The following ZNF880 variants were observed in gnomAD, a reference collection of about 807,000 sequenced individuals.
ZNF880 encodes the protein zinc finger protein LOC400713.
Under a neutral mutation model 11.8 loss-of-function variants are expected in ZNF880, and 12 were observed. That is an observed-to-expected ratio of 1.02 (90% CI 0.65 to 1.65). The LOEUF is 1.65. Among genes scored for constraint, ZNF880 ranks in the 40% most tolerant of loss-of-function variants. The pLI, the probability that ZNF880 is intolerant of heterozygous loss-of-function variation, is 0.00. For synonymous variants in ZNF880, 210 were observed against 232.4 expected, an observed-to-expected ratio of 0.90 and a Z score of 0.88; for missense variants, 601 against 673.9, an observed-to-expected ratio of 0.89 and a Z score of 1.20.
At chr19:52,390,620 A>G (rs1042799127), downstream of ZNF880, 3 of 165,294 alleles carry the variant, frequency 1.8e-5, no homozygotes, top group Admixed American at 1.3e-4. Flanking sequence ...GAAATGGGAA[A>G]GAAGAATGAA....
intron 3 of ZNF880, chr19:52,374,833 C>T: frequency 2.7e-6 from 1 of 370,728 alleles, no homozygotes. Flanking sequence ...TCTTTGGGCT[C>T]ATATGATCAT....
intron 1 of ZNF880, chr19:52,370,329 C>T (rs996120960): frequency 3.1e-6 from 1 of 324,400 alleles, no homozygotes; most frequent in Non-Finnish European, 5.8e-6. Flanking sequence ...GCCCTCTTTT[C>T]ACAGGCCTGC....
At chr19:52,393,827 C>T in the ZNF880 span, among the ~76,000 whole-genome samples, 3 of 119,562 alleles carry the variant, frequency 2.5e-5, no homozygotes, top group Admixed American at 9.0e-5. Flanking sequence ...TATTTCTTTG[C>T]CCCCCCCCTT....
chr19:52,374,547 T>C (rs1986498958), intron 3 of ZNF880, 120 bp downstream of exon 3: 1 of 1,220,942 alleles, frequency 8.2e-7, no homozygotes. Context: ...GTGGCTTAAC[T>C]CATAGCCTCA....
At chr19:52,369,913 C>G, upstream of ZNF880, 1 of 1,551,512 alleles carries the variant, frequency 6.4e-7, no homozygotes, top group Non-Finnish European at 8.7e-7. Flanking sequence ...CGCCTCTCAG[C>G]TGCGCGCGCA....
chr19:52,390,285 T>C (rs2657917), downstream of ZNF880: 82,605 of 349,102 alleles, frequency 0.24, 11,431 homozygotes, highest in African/African-American at 0.46. Context: ...GCTTCCCATC[T>C]GCTCCGCTCC....
At chr19:52,386,201 A>G (rs1986884399), downstream of ZNF880, among the ~76,000 whole-genome samples, 1 of 141,502 alleles carries the variant, frequency 7.1e-6, no homozygotes, top group African/African-American at 2.7e-5. Flanking sequence ...AAGAAAAAGA[A>G]GCAGTATGAT....
At chr19:52,391,640 C>T in the ZNF880 span, 6 of 152,116 alleles carry the variant, frequency 3.9e-5, no homozygotes, top group African/African-American at 1.4e-4. Context: ...ATTAATTTCT[C>T]TATAATAAAC....
intron 3 of ZNF880, among the ~76,000 whole-genome samples, chr19:52,380,866 A>C (rs890906689): frequency 6.6e-6 from 1 of 151,444 alleles, no homozygotes; most frequent in Non-Finnish European, 1.5e-5. Context: ...TTTTGTGGAG[A>C]CAGGGTCTTG....
intron 3 of ZNF880, among the ~76,000 whole-genome samples, chr19:52,375,078 GTTCT>G (rs756844680): frequency 2.5e-4 from 38 of 150,736 alleles, no homozygotes; most frequent in Non-Finnish European, 3.2e-4. Context: ...CTGCTGCTGT[GTTCT>G]TTGTTTTTGG....
chr19:52,393,730 A>G, the ZNF880 span, among the ~76,000 whole-genome samples: 2 of 116,612 alleles, frequency 1.7e-5, no homozygotes, highest in African/African-American at 5.8e-5. Context: ...TGTATATGGT[A>G]TATGTCTCTA....
At chr19:52,378,419 C>T (rs888751078) in intron 3 of ZNF880, among the ~76,000 whole-genome samples, 1 of 151,410 alleles carries the variant, frequency 6.6e-6, no homozygotes, top group Non-Finnish European at 1.5e-5. Flanking sequence ...CTAGGGCAGG[C>T]GGATCAGAAA....
upstream of ZNF880, among the ~76,000 whole-genome samples, chr19:52,368,546 T>C (rs1048018661): frequency 2.0e-5 from 3 of 151,044 alleles, no homozygotes; most frequent in African/African-American, 7.3e-5. Context: ...TTCCAGCTGG[T>C]CCAAAAGTGG....
chr19:52,379,654 G>A, intron 3 of ZNF880: 2 of 272,818 alleles, frequency 7.3e-6, no homozygotes, highest in Non-Finnish European at 1.5e-5. Context: ...TTGACTTTGA[G>A]GGCAGAACTG....
chr19:52,377,859 T>C (rs1986599223), intron 3 of ZNF880, among the ~76,000 whole-genome samples: 1 of 151,960 alleles, frequency 6.6e-6, no homozygotes, highest in South Asian at 2.1e-4. Flanking sequence ...TTATTTTTTA[T>C]TTTTTTTAGA....
chr19:52,386,694 C>T (rs765300199), downstream of ZNF880, among the ~76,000 whole-genome samples: 6 of 137,822 alleles, frequency 4.4e-5, 1 homozygote, highest in Non-Finnish European at 7.7e-5. Flanking sequence ...CCCAGCTACT[C>T]GGGAGGCTGA....
At chr19:52,393,900 G>T in the ZNF880 span, among the ~76,000 whole-genome samples, 1 of 141,148 alleles carries the variant, frequency 7.1e-6, no homozygotes, top group Non-Finnish European at 1.5e-5. Flanking sequence ...GCAGTGGCGC[G>T]ATCTCAGCTC....
In ZNF880 at chr19:52,374,408, C is replaced by T; in HGVS notation, c.249C>T (p.Cys83=). The part of the protein sequence containing the change: ...KIANNPGGRE[C]IKGVNAESSS... Reference sequence around the variant, plus strand: ...CAAACAATCCAGGTGGCAGGGAGTGCATCAAAGGTGTGAACGCAGGTAAGA... The same window carrying T: ...CAAACAATCCAGGTGGCAGGGAGTGTATCAAAGGTGTGAACGCAGGTAAGA... Residue 83 remains cysteine (C), a synonymous_variant, in exon 3 of 4, where the codon TGC becomes TGT. Transcript: ENST00000422689. 1 of 1,612,406 alleles carries T rather than the reference C, an allele frequency of 6.2e-7. No individual in the cohort carries two copies. The highest frequency in any genetic ancestry group is 8.5e-7 in the Non-Finnish European group (1 of 1,179,278).
chr19:52,392,427 G>C, the ZNF880 span, among the ~76,000 whole-genome samples: 3 of 152,066 alleles, frequency 2.0e-5, no homozygotes, highest in African/African-American at 7.2e-5. Flanking sequence ...CAGACTCCCA[G>C]GGAGCTGGGA....
Sources: allele counts gnomAD v4.1 joint callset (sites outside exome capture counted in the v4.1 genomes callset), GRCh38; gene constraint gnomAD v4.1.1; transcripts MANE v1.5; gene names NCBI Gene and HGNC (gene_info 2026-07-23, HGNC 2026-07-21).